RPS6KC1: variants seen among roughly 807,000 people sequenced by gnomAD.
The protein encoded by RPS6KC1 is ribosomal protein S6 kinase C1, also known as inactive ribosomal protein S6 kinase delta-1.
Under a neutral mutation model 103.8 loss-of-function variants are expected in RPS6KC1, and 54 were observed. The observed-to-expected ratio is 0.52, with a 90% confidence interval of 0.42 to 0.65. The LOEUF is 0.65. RPS6KC1 is among the 30% of genes least tolerant of loss of function. The pLI, the probability that RPS6KC1 is intolerant of heterozygous loss-of-function variation, is 0.00. For missense variants in RPS6KC1, 1,151 were observed against 1,253.8 expected (o/e 0.92, Z 1.24); for synonymous variants, 439 against 438.7 (o/e 1.00, Z -0.01).
the RPS6KC1 span, among the ~76,000 whole-genome samples, chr1:213,577,091 A>AATCC: frequency 6.6e-6 from 1 of 151,776 alleles, no homozygotes; most frequent in Admixed American, 6.6e-5. Context: ...TAGATCTCAT[A>AATCC]ATCCCTGCAT....
At chr1:213,150,204 GTCTT>G (rs945691556) in intron 6 of RPS6KC1, among the ~76,000 whole-genome samples, 6 of 151,914 alleles carry the variant, frequency 3.9e-5, no homozygotes, top group South Asian at 2.1e-4. Flanking sequence ...TGGTTTAGTG[GTCTT>G]TCTTCTTTCT....
chr1:213,346,109 T>C, the RPS6KC1 span, among the ~76,000 whole-genome samples: 1 of 152,248 alleles, frequency 6.6e-6, no homozygotes, highest in African/African-American at 2.4e-5. Flanking sequence ...TACACTACTA[T>C]TAATAAAATT....
the RPS6KC1 span, among the ~76,000 whole-genome samples, chr1:213,601,579 G>A: frequency 6.6e-6 from 1 of 151,922 alleles, no homozygotes; most frequent in East Asian, 1.9e-4. Flanking sequence ...GGGAGCACAG[G>A]ATGGAGGCTG....
At chr1:213,175,550 A>G (rs1192240862) in intron 7 of RPS6KC1, among the ~76,000 whole-genome samples, 2 of 152,204 alleles carry the variant, frequency 1.3e-5, no homozygotes, top group East Asian at 3.8e-4. Flanking sequence ...TAAATGTCGT[A>G]TGGAGGTGCC....
chr1:213,152,477 C>T (rs2089277777), intron 6 of RPS6KC1, among the ~76,000 whole-genome samples: 1 of 151,252 alleles, frequency 6.6e-6, no homozygotes, highest in African/African-American at 2.4e-5. Context: ...CTCCTCACTT[C>T]CCAGACGGGG....
intron 8 of RPS6KC1, among the ~76,000 whole-genome samples, chr1:213,223,323 A>G (rs2093880609): frequency 6.6e-6 from 1 of 152,092 alleles, no homozygotes; most frequent in African/African-American, 2.4e-5. Context: ...CGAGCAATGT[A>G]CACTGTACCC....
chr1:213,534,851 G>A, the RPS6KC1 span, among the ~76,000 whole-genome samples: 3 of 152,130 alleles, frequency 2.0e-5, no homozygotes, highest in South Asian at 2.1e-4. Flanking sequence ...GTCTTTGCCC[G>A]CTACAGCTAC....
chr1:213,684,038 A>G, the RPS6KC1 span, among the ~76,000 whole-genome samples: 133 of 152,186 alleles, frequency 8.7e-4, no homozygotes, highest in Non-Finnish European at 1.7e-3. Context: ...GGGTTGCTAC[A>G]TATTAGATTT....
chr1:213,302,478 A>T, the RPS6KC1 span, among the ~76,000 whole-genome samples: 2 of 152,180 alleles, frequency 1.3e-5, no homozygotes, highest in African/African-American at 4.8e-5. Context: ...CCTGGGCAAC[A>T]TAGTGTGACT....
intron 8 of RPS6KC1, among the ~76,000 whole-genome samples, chr1:213,206,753 TA>T (rs1417604087): frequency 6.6e-6 from 1 of 152,196 alleles, no homozygotes; most frequent in Non-Finnish European, 1.5e-5. Flanking sequence ...AAAATTGGCC[TA>T]AATTACAATT....
At chr1:213,571,493 G>C in the RPS6KC1 span, among the ~76,000 whole-genome samples, 2 of 152,180 alleles carry the variant, frequency 1.3e-5, no homozygotes, top group African/African-American at 4.8e-5. Flanking sequence ...ACATGGCATG[G>C]ATGGGGAAGG....
the RPS6KC1 span, among the ~76,000 whole-genome samples, chr1:213,463,223 G>A: frequency 2.6e-4 from 40 of 152,280 alleles, no homozygotes; most frequent in African/African-American, 8.4e-4. Flanking sequence ...AATTTGGAGT[G>A]CTGCTTGTGA....
the RPS6KC1 span, among the ~76,000 whole-genome samples, chr1:213,791,737 A>G: frequency 2.0e-5 from 3 of 152,220 alleles, no homozygotes; most frequent in Non-Finnish European, 4.4e-5. Flanking sequence ...TAACATCCCT[A>G]TGAGGTTTGA....
chr1:213,416,463 G>A, the RPS6KC1 span, among the ~76,000 whole-genome samples: 1 of 152,234 alleles, frequency 6.6e-6, no homozygotes, highest in Admixed American at 6.5e-5. Flanking sequence ...GCCAGTAAAG[G>A]CAGGCTGTGA....
chr1:213,100,827 G>T (rs2081958162), intron 3 of RPS6KC1, among the ~76,000 whole-genome samples: 2 of 152,208 alleles, frequency 1.3e-5, no homozygotes, highest in South Asian at 4.1e-4. Flanking sequence ...TCTTTATCCA[G>T]TCCACTGTTG....
At chr1:213,339,894 CT>C in the RPS6KC1 span, among the ~76,000 whole-genome samples, 18 of 149,140 alleles carry the variant, frequency 1.2e-4, no homozygotes, top group East Asian at 5.9e-4. Flanking sequence ...CTGAGGCTGC[CT>C]TTTTTTTTTC....
the RPS6KC1 span, among the ~76,000 whole-genome samples, chr1:213,750,364 GT>G: frequency 3.0e-4 from 46 of 152,348 alleles, no homozygotes; most frequent in African/African-American, 1.1e-3. Flanking sequence ...CTTCGCTGGA[GT>G]TATCCCCCTC....
intron 6 of RPS6KC1, among the ~76,000 whole-genome samples, chr1:213,147,240 T>G (rs1389818495): frequency 6.6e-6 from 1 of 152,204 alleles, no homozygotes; most frequent in Non-Finnish European, 1.5e-5. Flanking sequence ...TGCTGGTGCT[T>G]GTGGGGTATA....
chr1:213,782,534 T>G, the RPS6KC1 span, among the ~76,000 whole-genome samples: 1 of 151,982 alleles, frequency 6.6e-6, no homozygotes, highest in Non-Finnish European at 1.5e-5. Context: ...AGTGTCCACG[T>G]AGCTCCAAAG....
Sources: gnomAD v4.1 joint callset for allele counts (sites outside exome capture counted in the v4.1 genomes callset) on GRCh38, gnomAD v4.1.1 for gene constraint, MANE v1.5 for transcripts, NCBI Gene and HGNC (gene_info 2026-07-23, HGNC 2026-07-21) for gene names.